Variants in CAST observed in about 807,000 individuals in gnomAD.
CAST encodes MIR583 host.
A neutral mutation model predicts 119.6 loss-of-function variants in CAST; 76 were observed. The ratio of observed to expected loss-of-function variants is 0.64; its 90% CI spans 0.53 to 0.77. The LOEUF (loss-of-function observed/expected upper bound fraction) is 0.77, where lower values mean the gene tolerates loss of function less well. Ranked by LOEUF, CAST falls within the 30% of genes least tolerant of loss-of-function variation. The pLI, the probability that CAST is intolerant of heterozygous loss-of-function variation, is 0.00. For synonymous variants in CAST, 319 were observed against 331.6 expected, an observed-to-expected ratio of 0.96 and a Z score of 0.41; for missense variants, 953 against 946.5, an observed-to-expected ratio of 1.01 and a Z score of -0.09.
chr5:95,995,079 G>A, the CAST span, among the ~76,000 whole-genome samples: 1 of 152,124 alleles, frequency 6.6e-6, no homozygotes, highest in African/African-American at 2.4e-5. Context: ...AACCCTTGGA[G>A]CAGCTTCTCA....
At chr5:96,564,715 T>C (rs1190375779) in intron 1 of CAST, among the ~76,000 whole-genome samples, 1 of 152,188 alleles carries the variant, frequency 6.6e-6, no homozygotes, top group African/African-American at 2.4e-5. Context: ...GCTCAGATGT[T>C]CCAGACCAGC....
At chr5:96,394,613 G>A in the CAST span, among the ~76,000 whole-genome samples, 7 of 152,182 alleles carry the variant, frequency 4.6e-5, no homozygotes, top group Non-Finnish European at 8.8e-5. Context: ...TCTGTCATAA[G>A]TGGAGAAAAT....
chr5:96,373,548 G>T, the CAST span, among the ~76,000 whole-genome samples: 1 of 152,138 alleles, frequency 6.6e-6, no homozygotes, highest in Non-Finnish European at 1.5e-5. Flanking sequence ...TCAGAAAATT[G>T]CTTCATATCC....
At chr5:96,718,572 T>C (rs1192940990) in intron 3 of CAST, among the ~76,000 whole-genome samples, 1 of 148,458 alleles carries the variant, frequency 6.7e-6, no homozygotes, top group Non-Finnish European at 1.5e-5. Flanking sequence ...CAGAGAAGAA[T>C]GGAGCAAGTG....
the CAST span, among the ~76,000 whole-genome samples, chr5:96,397,911 A>G: frequency 7.9e-5 from 12 of 151,784 alleles, no homozygotes; most frequent in Non-Finnish European, 1.3e-4. Flanking sequence ...CATAAAAATT[A>G]TTATTTAATT....
At chr5:96,130,925 G>C in the CAST span, among the ~76,000 whole-genome samples, 2 of 152,098 alleles carry the variant, frequency 1.3e-5, no homozygotes, top group African/African-American at 4.8e-5. Flanking sequence ...CTACATCGTT[G>C]AGTGAAGTGT....
At chr5:96,220,834 A>G in the CAST span, among the ~76,000 whole-genome samples, 10 of 152,310 alleles carry the variant, frequency 6.6e-5, no homozygotes, top group South Asian at 8.3e-4. Context: ...TGTTTGAAAC[A>G]AAAGTACCAA....
intron 3 of CAST, among the ~76,000 whole-genome samples, chr5:96,701,757 A>T (rs1214618436): frequency 6.6e-6 from 1 of 151,358 alleles, no homozygotes; most frequent in Non-Finnish European, 1.5e-5. Context: ...GTGAGCTGAG[A>T]TCACGTGACT....
At chr5:96,370,543 C>T in the CAST span, among the ~76,000 whole-genome samples, 64 of 152,270 alleles carry the variant, frequency 4.2e-4, no homozygotes, top group African/African-American at 1.5e-3. Context: ...CCCACAACTG[C>T]ATCCAACCTG....
the CAST span, among the ~76,000 whole-genome samples, chr5:96,502,388 G>C: frequency 6.6e-6 from 1 of 151,986 alleles, no homozygotes; most frequent in Non-Finnish European, 1.5e-5. Context: ...GGACAGGACT[G>C]AGTTCATAGC....
the CAST span, among the ~76,000 whole-genome samples, chr5:96,277,729 C>A: frequency 6.7e-6 from 1 of 150,012 alleles, no homozygotes. Flanking sequence ...TCAAAATATA[C>A]AAAACATCAT....
chr5:96,581,218 A>C (rs947973172), intron 1 of CAST, among the ~76,000 whole-genome samples: 2 of 152,276 alleles, frequency 1.3e-5, no homozygotes, highest in African/African-American at 2.4e-5. Flanking sequence ...TCCAAAGAAA[A>C]AGAGGCCAAC....
At chr5:96,667,207 G>A (rs2150227924) in intron 1 of CAST, among the ~76,000 whole-genome samples, 1 of 152,314 alleles carries the variant, frequency 6.6e-6, no homozygotes, top group African/African-American at 2.4e-5. Flanking sequence ...TCCTAAAAAT[G>A]TATGAAATTT....
chr5:96,470,157 C>T, the CAST span, among the ~76,000 whole-genome samples: 5 of 150,350 alleles, frequency 3.3e-5, no homozygotes, highest in Admixed American at 6.6e-5. Flanking sequence ...TAGGTGAAAA[C>T]GAAAAAAACT....
chr5:96,770,504 A>T, intron 29 of CAST, 27 bp from the exon 30 acceptor site: 1 of 1,519,072 alleles, frequency 6.6e-7, no homozygotes, highest in Non-Finnish European at 9.1e-7. Context: ...TGATAGCCAT[A>T]GCCTCATTAC....
chr5:96,135,861 A>G, the CAST span, among the ~76,000 whole-genome samples: 27 of 152,180 alleles, frequency 1.8e-4, no homozygotes, highest in African/African-American at 6.5e-4. Flanking sequence ...GATAGAGACC[A>G]TCCTGGCCAA....
chr5:96,371,849 G>A, the CAST span, among the ~76,000 whole-genome samples: 5 of 152,234 alleles, frequency 3.3e-5, no homozygotes, highest in Middle Eastern at 3.4e-3. Context: ...CTTAAACACA[G>A]CAGGATTTAT....
the CAST span, among the ~76,000 whole-genome samples, chr5:96,330,983 C>T: frequency 6.6e-6 from 1 of 151,936 alleles, no homozygotes; most frequent in African/African-American, 2.4e-5. Flanking sequence ...GGATTTTCTG[C>T]CTGTGACAAT....
At chr5:96,303,683 GA>G in the CAST span, among the ~76,000 whole-genome samples, 1 of 146,674 alleles carries the variant, frequency 6.8e-6, no homozygotes, top group Non-Finnish European at 1.5e-5. Flanking sequence ...TCCCATTTAT[GA>G]GTGAGAACAT....
Sources: allele counts gnomAD v4.1 joint callset (sites outside exome capture counted in the v4.1 genomes callset), GRCh38; gene constraint gnomAD v4.1.1; transcripts MANE v1.5; gene names NCBI Gene and HGNC (gene_info 2026-07-23, HGNC 2026-07-21).